The following TRA2B variants were observed in gnomAD, a reference collection of about 807,000 sequenced individuals.
TRA2B encodes transformer 2 beta homolog.
Under a neutral mutation model 41.7 loss-of-function variants are expected in TRA2B, and 14 were observed. That is an observed-to-expected ratio of 0.34 (90% CI 0.22 to 0.53). The LOEUF (loss-of-function observed/expected upper bound fraction) is 0.53, where lower values mean the gene tolerates loss of function less well. TRA2B is among the 20% of genes least tolerant of loss of function. The pLI is 0.95. For missense variants in TRA2B, 167 were observed against 396.8 expected (o/e 0.42, Z 4.92); for synonymous variants, 130 against 128.8 (o/e 1.01, Z -0.06).
At position 185,921,246 on chromosome 3, in the gene TRA2B, A is replaced by G. The variant is rs1446740676; in HGVS notation, c.639-59T>C. On this transcript the variant is annotated intron_variant, in intron 5 of 8. Coordinates refer to ENST00000453386, the MANE Select transcript of TRA2B (RefSeq NM_004593.3). ...TATCTTTCTGGACATGAGTTTTTAT[A>G]TCTACTAGTAGGCCTTTTCTGACAC... The G allele has an allele frequency of 2.1e-6, 3 of 1,439,376 alleles. No individual in the cohort carries two copies. The Admixed American group carries it at 5.0e-5, about 24-fold the overall frequency. The allele number at this position is 1,439,376 out of a possible 1,614,324, so 89.2% of individuals were successfully genotyped here.
rs1743479457 is a variant in TRA2B at position 185,915,772 on chromosome 3, T to C, written c.*1943A>G. On this transcript the variant is annotated 3_prime_UTR_variant, in exon 9 of 9. Coordinates refer to ENST00000453386, the MANE Select transcript of TRA2B (RefSeq NM_004593.3). ...AGGCTTTAGGATAGAAACCGAGGGTTATGTTCGAGATTATCAGGAGTGTGA... is the reference window on the plus strand; with the variant it reads ...AGGCTTTAGGATAGAAACCGAGGGTCATGTTCGAGATTATCAGGAGTGTGA... 6.6e-6 allele frequency: 1 copy of C among 152,150 alleles called. No homozygotes were observed. Among genetic ancestry groups the C allele is most frequent in the Admixed American group, 6.5e-5 (1 of 15,270 alleles). The allele number at this position is 152,150 out of a possible 1,614,324, so 9.4% of individuals were successfully genotyped here. A position where few individuals can be genotyped will look rare whatever the true frequency, so the allele number is the denominator to read the frequency against.
chr3:185,934,645 A>G, intron 1 of TRA2B: 1 of 985,390 alleles, frequency 1.0e-6, no homozygotes, highest in Non-Finnish European at 1.2e-6. Context: ...GATGGCTGCA[A>G]TTCTTTAGAA....
intron 1 of TRA2B, chr3:185,931,880 A>G (rs771070589): frequency 2.2e-6 from 3 of 1,375,142 alleles, no homozygotes; most frequent in South Asian, 1.8e-5. Flanking sequence ...AGGATGAAGA[A>G]TATTTTAAAA....
chr3:185,921,252 T>C (rs1743724170), intron 5 of TRA2B, 65 bp from the exon 6 acceptor site: 7 of 1,368,056 alleles, frequency 5.1e-6, no homozygotes, highest in Non-Finnish European at 7.3e-6. Flanking sequence ...TTATATCTAC[T>C]AGTAGGCCTT....
intron 1 of TRA2B, chr3:185,928,176 C>T (rs1233834079): frequency 1.3e-5 from 2 of 149,806 alleles, no homozygotes; most frequent in Non-Finnish European, 3.0e-5. Flanking sequence ...TTTGGATGAT[C>T]CTTTGATGCT....
At chr3:185,937,697 G>T in intron 1 of TRA2B, 128 bp downstream of exon 1, 1 of 1,331,070 alleles carries the variant, frequency 7.5e-7, no homozygotes, top group Non-Finnish European at 1.1e-6. Context: ...TGTCTCCCTT[G>T]CCTGCCCTCC....
At position 185,918,410 on chromosome 3, in the gene TRA2B, G is replaced by A. The variant is rs1268688776; in HGVS notation, c.811C>T (p.Arg271Cys). The A allele has an allele frequency of 1.2e-6, 2 of 1,613,490 alleles. No homozygotes were observed. The highest frequency in any genetic ancestry group is 2.2e-5 in the East Asian group (1 of 44,870). Residue 271 changes from arginine (R) to cysteine (C), a missense_variant, in exon 8 of 9, where the codon CGT (arginine) becomes TGT (cysteine). Transcript: ENST00000453386. ...CTGGAACGTGATCTGTATCCTCCAC[G>A]ACTATAGTAAGGAGAAGGTGACCGC... is the stretch of plus-strand genomic sequence containing the variant. ...RRRSPSPYYS[R>C]GGYRSRSRSR...
chr3:185,935,395 G>A (rs1744309834), intron 1 of TRA2B: 3 of 985,224 alleles, frequency 3.0e-6, no homozygotes, highest in Non-Finnish European at 2.4e-6. Flanking sequence ...GGACACACCA[G>A]TTCTTTAAAT....
intron 1 of TRA2B, among the ~76,000 whole-genome samples, chr3:185,932,772 T>C (rs1428752078): frequency 6.6e-6 from 1 of 152,156 alleles, no homozygotes; most frequent in Non-Finnish European, 1.5e-5. Context: ...CATGCTAGTT[T>C]TTCTTGTTAT....
At chr3:185,925,368 A>G in intron 3 of TRA2B, 96 bp downstream of exon 3, 1 of 1,424,164 alleles carries the variant, frequency 7.0e-7, no homozygotes, top group Non-Finnish European at 9.5e-7. Flanking sequence ...TCACTCACGC[A>G]CCAACTGCTA....
chr3:185,919,282 CTT>C (rs1743624832), intron 7 of TRA2B, among the ~76,000 whole-genome samples, 153 bp downstream of exon 7: 2 of 152,094 alleles, frequency 1.3e-5, no homozygotes, highest in Non-Finnish European at 1.5e-5. Flanking sequence ...TATACAAAGA[CTT>C]TATACATTTA....
At chr3:185,928,871 A>C (rs952358967) in intron 1 of TRA2B, 1 of 152,228 alleles carries the variant, frequency 6.6e-6, no homozygotes, top group Non-Finnish European at 1.5e-5. Flanking sequence ...TGGCTTTAAC[A>C]GAAAAACCTT....
At chr3:185,919,782 T>G (rs937689754) in intron 6 of TRA2B, among the ~76,000 whole-genome samples, 5 of 151,540 alleles carry the variant, frequency 3.3e-5, no homozygotes, top group African/African-American at 1.2e-4. Context: ...TACCATTCAA[T>G]AGAGTGATGC....
chr3:185,917,701 A>T lies in TRA2B; in HGVS notation c.*14T>A, dbSNP rs1490548334. 1 of 1,613,084 alleles carries T rather than the reference A, an allele frequency of 6.2e-7. No homozygotes were observed. The highest frequency in any genetic ancestry group is 8.5e-7 in the Non-Finnish European group (1 of 1,179,480). ...ATCCCAGCTCTAGGGCAGGTTTCAG[A>T]AAGTCTTCATGCTTTAATAGCGACC... On this transcript the variant is annotated 3_prime_UTR_variant, in exon 9 of 9. Transcript: ENST00000453386.
At position 185,915,136 on chromosome 3, in the gene TRA2B, C is replaced by A. The variant is rs1743457462; in HGVS notation, c.*2579G>T. ...GATCTGACAGGCGGCGGAGCTCAGG[C>A]AATCCATGGCCAGGAGATCGGAAAC... On this transcript the variant is annotated 3_prime_UTR_variant, in exon 9 of 9. Coordinates refer to ENST00000453386, the MANE Select transcript of TRA2B (RefSeq NM_004593.3). Among the ~76,000 whole-genome samples the A allele has an allele frequency of 6.6e-6, 1 of 152,104 alleles. No individual in the cohort carries two copies. Among genetic ancestry groups the A allele is most frequent in the Non-Finnish European group, 1.5e-5 (1 of 67,984 alleles).
chr3:185,935,890 T>C (rs1271082342), intron 1 of TRA2B: 1 of 984,692 alleles, frequency 1.0e-6, no homozygotes, highest in African/African-American at 1.8e-5. Flanking sequence ...GCGAAGACTC[T>C]TATGTAAGAA....
In TRA2B at chr3:185,937,010, A is replaced by G. The variant is rs1044819106; in HGVS notation, c.36+815T>C. On this transcript the variant is annotated intron_variant, in intron 1 of 8. Coordinates refer to ENST00000453386, the MANE Select transcript of TRA2B (RefSeq NM_004593.3). ...AAACAAAGGAAATAACGGCGCCGTA[A>G]ATGGTTGCCCGCCAATTTCTCCTTC... The G allele has an allele frequency of 9.1e-6, 9 of 985,306 alleles. No homozygotes were observed. In the Admixed American group the frequency reaches 1.8e-4, roughly 20 times the overall value. 61.0% of individuals were successfully genotyped at this position (985,306 alleles called of 1,614,324 possible).
chr3:185,933,802 CTG>C (rs3047484), intron 1 of TRA2B, among the ~76,000 whole-genome samples: 26,225 of 151,966 alleles, frequency 0.17, 2,803 homozygotes, highest in East Asian at 0.33. Context: ...ATAGCACAGA[CTG>C]TTAAATTTAC....
intron 5 of TRA2B, 152 bp downstream of exon 5, chr3:185,921,859 A>T (rs570917427): frequency 1.9e-6 from 1 of 535,462 alleles, no homozygotes; most frequent in Admixed American, 3.5e-5. Context: ...TTGAACTTCT[A>T]CTATGAGAAA....
Sources: gnomAD v4.1 joint callset for allele counts (sites outside exome capture counted in the v4.1 genomes callset) on GRCh38, gnomAD v4.1.1 for gene constraint, MANE v1.5 for transcripts, NCBI Gene and HGNC (gene_info 2026-07-23, HGNC 2026-07-21) for gene names.